The following AMD1 variants were observed in gnomAD, a reference collection of about 807,000 sequenced individuals.
AMD1 encodes adenosylmethionine decarboxylase 1.
In AMD1, 11 loss-of-function variants were observed where a neutral mutation model predicts 40.2. The ratio of observed to expected loss-of-function variants is 0.27; its 90% confidence interval spans 0.17 to 0.45. The LOEUF (loss-of-function observed/expected upper bound fraction) is 0.45, where lower values mean the gene tolerates loss of function less well. Among genes scored for constraint, AMD1 ranks in the 20% least tolerant of loss-of-function variants. The pLI is 1.00. For synonymous variants in AMD1, 121 were observed against 130.8 expected, an observed-to-expected ratio of 0.93 and a Z score of 0.51; for missense variants, 257 against 410.2, an observed-to-expected ratio of 0.63 and a Z score of 3.23.
At chr6:110,826,218 G>A in the AMD1 span, among the ~76,000 whole-genome samples, 20,743 of 129,046 alleles carry the variant, frequency 0.16, 2,523 homozygotes, top group East Asian at 0.66. Flanking sequence ...GTTGCAGTGA[G>A]CTGAGATTGC....
intron 1 of AMD1, among the ~76,000 whole-genome samples, chr6:110,878,498 A>G (rs1312782342): frequency 6.6e-6 from 1 of 152,202 alleles, no homozygotes; most frequent in Non-Finnish European, 1.5e-5. Flanking sequence ...GTTAAACAAT[A>G]CTGTTGGAGA....
chr6:110,855,977 G>A, the AMD1 span, among the ~76,000 whole-genome samples: 1 of 152,246 alleles, frequency 6.6e-6, no homozygotes, highest in African/African-American at 2.4e-5. Flanking sequence ...CTACTCCGGA[G>A]GCTGCGGTAG....
upstream of AMD1, among the ~76,000 whole-genome samples, chr6:110,874,538 G>A (rs1283657322): frequency 2.0e-5 from 3 of 152,120 alleles, no homozygotes; most frequent in South Asian, 2.1e-4. Context: ...TTCGATCCGA[G>A]GTTTCTAGTC....
chr6:110,853,331 G>A, the AMD1 span, among the ~76,000 whole-genome samples: 6 of 148,798 alleles, frequency 4.0e-5, no homozygotes, highest in Non-Finnish European at 7.4e-5. Context: ...TTTTTGAGAC[G>A]GAATCTCGGT....
chr6:110,860,787 G>A, the AMD1 span, among the ~76,000 whole-genome samples: 287 of 151,394 alleles, frequency 1.9e-3, 1 homozygote, highest in African/African-American at 6.6e-3. Flanking sequence ...GTGACAGAGC[G>A]AGACTCCATC....
chr6:110,827,253 A>G, the AMD1 span, among the ~76,000 whole-genome samples: 2 of 151,588 alleles, frequency 1.3e-5, no homozygotes, highest in East Asian at 3.9e-4. Context: ...CATCTTTGAT[A>G]TCCATGGACA....
At chr6:110,881,594 T>A (rs1258048733) in intron 1 of AMD1, among the ~76,000 whole-genome samples, 1 of 151,946 alleles carries the variant, frequency 6.6e-6, no homozygotes, top group African/African-American at 2.4e-5. Flanking sequence ...GGCGGGTGGA[T>A]TGCTTGAGGT....
At chr6:110,889,032 C>G (rs754846514) in intron 3 of AMD1, 49 bp downstream of exon 3, 1 of 1,596,328 alleles carries the variant, frequency 6.3e-7, no homozygotes, top group Admixed American at 1.7e-5. Context: ...TGTTAGCGTT[C>G]TTATCCTGTA....
At chr6:110,884,978 T>C (rs1397607056) in intron 1 of AMD1, among the ~76,000 whole-genome samples, 1 of 152,230 alleles carries the variant, frequency 6.6e-6, no homozygotes, top group African/African-American at 2.4e-5. Context: ...GAAATTGTAA[T>C]GTTTCTAATA....
At chr6:110,847,063 G>GTGTGTGTGGT in the AMD1 span, among the ~76,000 whole-genome samples, 66 of 143,282 alleles carry the variant, frequency 4.6e-4, no homozygotes, top group East Asian at 3.7e-3. Flanking sequence ...GTGTGTGTGT[G>GTGTGTGTGGT]GTGTGTGTGT....
chr6:110,869,364 C>T, the AMD1 span, among the ~76,000 whole-genome samples: 380 of 151,878 alleles, frequency 2.5e-3, 1 homozygote, highest in African/African-American at 8.9e-3. Context: ...GATCTCCTGA[C>T]CTCGTGATCC....
the AMD1 span, chr6:110,814,994 C>G: frequency 6.2e-7 from 1 of 1,602,340 alleles, no homozygotes; most frequent in Non-Finnish European, 8.5e-7. Context: ...CTACTCCTCC[C>G]GCCCCTGCTC....
chr6:110,819,733 C>T, the AMD1 span, among the ~76,000 whole-genome samples: 1 of 152,068 alleles, frequency 6.6e-6, no homozygotes. Flanking sequence ...TGCTGCATTC[C>T]CAGGAAGCTA....
At chr6:110,853,667 C>T in the AMD1 span, among the ~76,000 whole-genome samples, 1 of 152,144 alleles carries the variant, frequency 6.6e-6, no homozygotes. Context: ...TCTTGAACTC[C>T]TCATCTCAAG....
At chr6:110,823,449 A>G in the AMD1 span, among the ~76,000 whole-genome samples, 1 of 152,312 alleles carries the variant, frequency 6.6e-6, no homozygotes, top group East Asian at 1.9e-4. Context: ...TCTGTTTGCT[A>G]TTGATATGAT....
At chr6:110,886,260 G>A (rs1045139282) in intron 1 of AMD1, among the ~76,000 whole-genome samples, 3 of 151,750 alleles carry the variant, frequency 2.0e-5, no homozygotes, top group African/African-American at 7.3e-5. Flanking sequence ...TTTTATGAGT[G>A]TAGAGCAATG....
At position 110,892,889 on chromosome 6, in the gene AMD1, AC is replaced by A; in HGVS notation, c.709-20del. On this transcript the variant is annotated intron_variant, in intron 7 of 8. Transcript: ENST00000368885. ...TGTGAATAGTCTTTCCATTCTTAAC[AC>A]TGTGAACTTTTTCTCTCAGGGAACT... 3 of 1,613,310 alleles carry A rather than the reference AC, an allele frequency of 1.9e-6. No homozygotes were observed. The South Asian group carries it at 3.3e-5, about 18-fold the overall frequency.
chr6:110,866,960 C>T, the AMD1 span, among the ~76,000 whole-genome samples: 1 of 151,590 alleles, frequency 6.6e-6, no homozygotes, highest in African/African-American at 2.4e-5. Context: ...ATTACATGCG[C>T]CCAACATCGT....
the AMD1 span, chr6:110,859,121 T>C: frequency 7.6e-7 from 1 of 1,316,420 alleles, no homozygotes; most frequent in Non-Finnish European, 1.1e-6. Flanking sequence ...ATATCCCCCT[T>C]ACTACCAGGA....
Sources: gnomAD v4.1 joint callset for allele counts (sites outside exome capture counted in the v4.1 genomes callset) on GRCh38, gnomAD v4.1.1 for gene constraint, MANE v1.5 for transcripts, NCBI Gene and HGNC (gene_info 2026-07-23, HGNC 2026-07-21) for gene names.